WIPF1: variants seen among roughly 807,000 people sequenced by gnomAD.
WIPF1 encodes the protein WAS/WASL interacting protein family member 1.
WIPF1 carries 13 observed loss-of-function variants against 35.4 expected under a neutral mutation model. The ratio of observed to expected loss-of-function variants is 0.37; its 90% CI spans 0.24 to 0.58. WIPF1 has a LOEUF of 0.58. WIPF1 is among the 20% of genes least tolerant of loss of function. The pLI, the probability that WIPF1 is intolerant of heterozygous loss-of-function variation, is 0.74. For synonymous variants in WIPF1, 267 were observed against 266.3 expected (o/e 1.00, Z -0.02); for missense variants, 591 against 667.0 (o/e 0.89, Z 1.25).
In WIPF1 at chr2:174,570,998, A is replaced by G. The variant is rs528987675; in HGVS notation, c.1129+678T>C. Among the ~76,000 whole-genome samples, 9 of 152,258 alleles carry G rather than the reference A, an allele frequency of 5.9e-5. No homozygotes were observed. The South Asian group carries it at 8.3e-4, about 14-fold the overall frequency. On this transcript the variant is annotated intron_variant, in intron 5 of 7. Transcript: ENST00000679041. Reference sequence around the variant, plus strand: ...TTGTCCCTCAGATCAAGGTTTCTCAACTGTGGATGGGGGCATTGGAAGGGT... The same window carrying G: ...TTGTCCCTCAGATCAAGGTTTCTCAGCTGTGGATGGGGGCATTGGAAGGGT...
rs1195643605 is a variant in WIPF1 at position 174,673,802 on chromosome 2, C to T, written c.-39+8972G>A. 2.0e-5 allele frequency: 3 copies of T among 148,640 alleles called. No homozygotes were observed. In the Admixed American group the frequency reaches 2.0e-4, roughly 10 times the overall value. 9.2% of individuals were successfully genotyped at this position (148,640 alleles called of 1,614,324 possible). The stretch of plus-strand genomic sequence containing the variant: ...ACAGGACTTCCTTTTGTGAATCTTC[C>T]TAACTTTGAAAACACTAATATTAAA... On this transcript the variant is annotated intron_variant, in intron 1 of 8. Coordinates refer to the WIPF1 transcript ENST00000272746.
At chr2:174,591,429 A>G (rs978003041) in intron 1 of WIPF1, among the ~76,000 whole-genome samples, 4 of 152,200 alleles carry the variant, frequency 2.6e-5, no homozygotes, top group African/African-American at 9.7e-5. Context: ...CTGGATTGTC[A>G]TACGTTAAAA....
At chr2:174,662,568 C>G (rs534022073) in intron 1 of WIPF1, among the ~76,000 whole-genome samples, 19 of 152,292 alleles carry the variant, frequency 1.2e-4, no homozygotes, top group African/African-American at 4.3e-4. Flanking sequence ...TAATCTGAGC[C>G]CCCTGAAATA....
chr2:174,562,727 GGCGTATGTT>G, intron 7 of WIPF1, 125 bp from the exon 8 acceptor site: 11 of 1,262,980 alleles, frequency 8.7e-6, no homozygotes, highest in African/African-American at 1.5e-5. Context: ...TCAGCTAACT[GGCGTATGTT>G]GTGGATGAGA....
intron 1 of WIPF1, among the ~76,000 whole-genome samples, chr2:174,641,386 G>A (rs1002139018): frequency 1.3e-5 from 2 of 152,202 alleles, no homozygotes; most frequent in African/African-American, 4.8e-5. Flanking sequence ...TGGTCAGCAG[G>A]CAGATCCAAA....
intron 1 of WIPF1, among the ~76,000 whole-genome samples, chr2:174,628,214 T>C (rs1490299989): frequency 6.6e-6 from 1 of 152,204 alleles, no homozygotes; most frequent in African/African-American, 2.4e-5. Context: ...TCTGAGCTAA[T>C]GGTACCCAGG....
At chr2:174,576,230 C>CAAAAAAAAAAAAAAAAAAAAAAA (rs66562213) in intron 3 of WIPF1, among the ~76,000 whole-genome samples, 1 of 98,956 alleles carries the variant, frequency 1.0e-5, no homozygotes, top group African/African-American at 4.4e-5. Context: ...TGCACTCCAG[C>CAAAAAAAAAAAAAAAAAAAAAAA]AAAAAAAAAA....
chr2:174,613,605 C>G (rs1306011729), intron 1 of WIPF1, among the ~76,000 whole-genome samples: 1 of 152,124 alleles, frequency 6.6e-6, no homozygotes, highest in African/African-American at 2.4e-5. Flanking sequence ...GATGAAGTGC[C>G]TGGTACATAC....
At chr2:174,655,381 CA>C (rs1431800504) in intron 1 of WIPF1, 1 of 152,166 alleles carries the variant, frequency 6.6e-6, no homozygotes, top group Non-Finnish European at 1.5e-5. Context: ...ATCCTCTTCC[CA>C]CCATGACTGG....
In WIPF1 at chr2:174,641,704, G is replaced by T. The variant is rs1047146845; in HGVS notation, c.-39+41070C>A. Among the ~76,000 whole-genome samples, 4 of 152,152 alleles carry T rather than the reference G, an allele frequency of 2.6e-5. 1 individual carries two copies. The highest frequency in any genetic ancestry group is 9.7e-5 in the African/African-American group (4 of 41,424). The stretch of plus-strand genomic sequence containing the variant: ...CCTGTATAAAGTGTACCAAAATACT[G>T]ATAGTGCCTTACTCATCTCACCAGT... On this transcript the variant is annotated intron_variant, in intron 1 of 8. Coordinates refer to the WIPF1 transcript ENST00000272746.
intron 1 of WIPF1, among the ~76,000 whole-genome samples, chr2:174,588,053 G>T (rs761952266): frequency 2.6e-5 from 4 of 152,192 alleles, no homozygotes; most frequent in African/African-American, 9.7e-5. Context: ...TCCATCAAGG[G>T]GCATCTCCAG....
rs143948433 is a variant in WIPF1, at chr2:174,572,144, G to C, written c.661C>G (p.Pro221Ala). The change falls in exon 5 of 8, where the codon CCT (proline) becomes GCT (alanine). Residue 221 changes from proline to alanine, a missense_variant. Pro to Ala is a conservative substitution (Grantham distance 27). Around this residue, in one of 3 missense-constraint regions of WIPF1, gnomAD observed 471 missense variants for 501.1 expected, o/e 0.94. Coordinates refer to ENST00000679041, the MANE Select transcript of WIPF1 (RefSeq NM_001375834.1). The part of the protein sequence containing the change: ...RQPSPGPTPP[P>A]FPGNRGTALG... ...GCAGTGCCGCGGTTTCCAGGGAAAG[G>C]GGGAGGAGTGGGCCCGGGGCTGGGC... The C allele has an allele frequency of 1.9e-5, 31 of 1,613,132 alleles. No individual in the cohort carries two copies. Among genetic ancestry groups the C allele is most frequent in the Non-Finnish European group, 2.2e-5 (26 of 1,179,528 alleles).
intron 1 of WIPF1, among the ~76,000 whole-genome samples, chr2:174,671,852 G>T (rs531985416): frequency 6.6e-6 from 1 of 152,226 alleles, no homozygotes; most frequent in East Asian, 1.9e-4. Context: ...GACAATGCGT[G>T]CCCGAAACTT....
At chr2:174,649,804 C>A (rs191774715) in intron 1 of WIPF1, among the ~76,000 whole-genome samples, 7 of 152,314 alleles carry the variant, frequency 4.6e-5, no homozygotes, top group Non-Finnish European at 8.8e-5. Context: ...GAAAGTCAAC[C>A]AAGGAAATAG....
Position 174,614,804 on chromosome 2 carries a change from T to C in WIPF1, c.-38-29193A>G, listed in dbSNP as rs993728886. 2.6e-5 allele frequency among the ~76,000 whole-genome samples: 4 copies of C among 152,358 alleles called. 1 individual carries two copies. The highest frequency in any genetic ancestry group is 4.4e-5 in the Non-Finnish European group (3 of 68,026). On this transcript the variant is annotated intron_variant, in intron 1 of 8. Transcript: ENST00000272746. ...CTGCAAAACACCTTGTGGAGGTACA[T>C]CTTACTCTTCACTAGCATTGTTCAC...
At chr2:174,633,811 G>C (rs1191297742) in intron 1 of WIPF1, among the ~76,000 whole-genome samples, 1 of 152,154 alleles carries the variant, frequency 6.6e-6, no homozygotes, top group Non-Finnish European at 1.5e-5. Flanking sequence ...TTCACGGCCT[G>C]CTGGGCTTTG....
At chr2:174,581,102 AATT>A in intron 3 of WIPF1, 1 of 490,100 alleles carries the variant, frequency 2.0e-6, no homozygotes, top group South Asian at 3.3e-5. Flanking sequence ...TTGGACAAAG[AATT>A]ATTATACTGG....
chr2:174,600,301 A>G (rs916366529), upstream of WIPF1, among the ~76,000 whole-genome samples: 1 of 152,186 alleles, frequency 6.6e-6, no homozygotes, highest in Non-Finnish European at 1.5e-5. Context: ...CTTTGGACAC[A>G]TTTATCAGGT....
rs1400991122 is a variant in WIPF1, at chr2:174,571,680, T to G, written c.1125A>C (p.Arg375=). The change falls in exon 5 of 8, where the codon CGA becomes CGC. Residue 375 remains arginine (R), a synonymous_variant. Transcript: ENST00000679041. The surrounding 1 kb of genome is among the most constrained non-coding windows in gnomAD (Gnocchi z 4.6). ...TCACTCCACGTCTTGTCATACCTGA[T>G]CGGCCTGGCGGGTCCCTCACTGGAG... ...PPPPVRDPPG[R]SGPLPPPPPV... 1.2e-6 allele frequency: 2 copies of G among 1,614,122 alleles called. No individual in the cohort carries two copies. Among genetic ancestry groups the G allele is most frequent in the South Asian group, 2.2e-5 (2 of 91,086 alleles).
Sources: allele counts gnomAD v4.1 joint callset (sites outside exome capture counted in the v4.1 genomes callset), GRCh38; gene constraint gnomAD v4.1.1; regional missense constraint gnomAD v4.1.1; non-coding constraint Gnocchi (gnomAD v3.1); transcripts MANE v1.5; gene names NCBI Gene and HGNC (gene_info 2026-07-23, HGNC 2026-07-21).